MAN1C1: variants seen among roughly 807,000 people sequenced by gnomAD.
The protein encoded by MAN1C1 is mannosidase alpha class 1C member 1, also known as mannosyl-oligosaccharide 1,2-alpha-mannosidase IC.
Under a neutral mutation model 71.5 loss-of-function variants are expected in MAN1C1, and 49 were observed. The ratio of observed to expected loss-of-function variants is 0.69; its 90% CI spans 0.54 to 0.87. MAN1C1 has a LOEUF of 0.87. Among genes scored for constraint, MAN1C1 ranks in the 40% least tolerant of loss-of-function variants. The probability of loss-of-function intolerance (pLI) is 0.00; values close to 1 mark genes in which losing one functional copy is unlikely to be tolerated. For missense variants in MAN1C1, 743 were observed against 835.0 expected (o/e 0.89, Z 1.36); for synonymous variants, 352 against 343.7 (o/e 1.02, Z -0.27).
intron 8 of MAN1C1, among the ~76,000 whole-genome samples, chr1:25,777,866 AAG>A (rs2047639130): frequency 1.3e-5 from 2 of 152,136 alleles, no homozygotes. Context: ...AAGGCTGTGT[AAG>A]AGACTTGCCC....
intron 1 of MAN1C1, among the ~76,000 whole-genome samples, chr1:25,649,615 C>T (rs1291187591): frequency 1.3e-5 from 2 of 152,154 alleles, no homozygotes; most frequent in Non-Finnish European, 2.9e-5. Flanking sequence ...GGCTGCCTTT[C>T]CCCAGTTTTG....
rs149351750 is a variant in MAN1C1 at position 25,661,247 on chromosome 1, G to T, written c.541-25193G>T. Among the ~76,000 whole-genome samples the T allele has an allele frequency of 1.8e-4, 27 of 152,288 alleles. No individual in the cohort carries two copies. The East Asian group carries it at 5.2e-3, about 29-fold the overall frequency. ...CATCACCTCTATGCCTTTGCTCCTG[G>T]CTATTTCCTTTTACTGTCTTGCCCG... On this transcript the variant is annotated intron_variant, in intron 1 of 11. Coordinates refer to ENST00000374332, the MANE Select transcript of MAN1C1 (RefSeq NM_020379.4).
In MAN1C1 at chr1:25,644,509, TATATATA is replaced by T. The variant is rs1483333557; in HGVS notation, c.540+26173_540+26179del. 1.1e-3 allele frequency: 111 copies of T among 97,828 alleles called. 1 individual carries two copies. The highest frequency in any genetic ancestry group is 7.2e-3 in the African/African-American group (110 of 15,176). 6.1% of individuals were successfully genotyped at this position (97,828 alleles called of 1,614,324 possible). On this transcript the variant is annotated intron_variant, in intron 1 of 11. Coordinates refer to ENST00000374332, the MANE Select transcript of MAN1C1 (RefSeq NM_020379.4). The stretch of plus-strand genomic sequence containing the variant: ...ATGGTACCAGAGACATATATATATA[TATATATA>T]TATTTTTTTTTTTTTTTTTTTTTTT...
At chr1:25,760,404 C>G (rs3820516) in intron 6 of MAN1C1, 12,609 of 152,240 alleles carry the variant, frequency 0.083, 785 homozygotes, top group East Asian at 0.23. Context: ...GCTCTGGAGT[C>G]CATCCGTCTA....
chr1:25,783,823 A>G lies in MAN1C1; in HGVS notation c.*34A>G. The G allele has an allele frequency of 5.6e-6, 9 of 1,600,194 alleles. No individual in the cohort carries two copies. Among genetic ancestry groups the G allele is most frequent in the Non-Finnish European group, 6.8e-6 (8 of 1,176,774 alleles). On this transcript the variant is annotated 3_prime_UTR_variant, in exon 12 of 12. Coordinates refer to ENST00000374332, the MANE Select transcript of MAN1C1 (RefSeq NM_020379.4). ...CCTGCCGCCGCCCTGGGGCCGCCGC[A>G]GGGATGCCTTGCCTTTTCAGGATTT...
intron 1 of MAN1C1, among the ~76,000 whole-genome samples, chr1:25,638,421 TAAATA>T (rs2045493399): frequency 6.6e-6 from 1 of 152,194 alleles, no homozygotes; most frequent in South Asian, 2.1e-4. Flanking sequence ...TCAGTTGTCT[TAAATA>T]AATTAATAAC....
At chr1:25,780,835 A>T (rs572217032) in intron 9 of MAN1C1, 105 bp from the exon 10 acceptor site, 1 of 1,234,820 alleles carries the variant, frequency 8.1e-7, no homozygotes, top group Non-Finnish European at 1.2e-6. Context: ...CACACACCTG[A>T]CATCACCCTG....
At chr1:25,643,586 T>TTTATTATTATTATTA (rs376041844) in intron 1 of MAN1C1, among the ~76,000 whole-genome samples, 35 of 139,864 alleles carry the variant, frequency 2.5e-4, no homozygotes, top group Admixed American at 2.1e-3. Flanking sequence ...TATATATATA[T>TTTATTATTATTATTA]TTATTATTAT....
chr1:25,698,165 G>A (rs1346833865), intron 2 of MAN1C1, among the ~76,000 whole-genome samples: 3 of 152,138 alleles, frequency 2.0e-5, no homozygotes, highest in Admixed American at 6.5e-5. Context: ...GCCATGGGGT[G>A]GCCTCTGTTT....
chr1:25,738,211 A>G (rs1197522444), intron 2 of MAN1C1, among the ~76,000 whole-genome samples: 9 of 152,104 alleles, frequency 5.9e-5, no homozygotes, highest in African/African-American at 2.2e-4. Context: ...GTGCTATGTC[A>G]CCCAGGAAAT....
At chr1:25,640,314 C>T (rs373242264) in intron 1 of MAN1C1, among the ~76,000 whole-genome samples, 2 of 152,220 alleles carry the variant, frequency 1.3e-5, no homozygotes, top group South Asian at 4.1e-4. Context: ...TCTCCCCCAT[C>T]CTCATTCTTG....
chr1:25,643,076 C>T (rs1173310631), intron 1 of MAN1C1, among the ~76,000 whole-genome samples: 1 of 152,038 alleles, frequency 6.6e-6, no homozygotes, highest in Admixed American at 6.5e-5. Context: ...GACGCTGAGA[C>T]ATTTCTGCAT....
At chr1:25,745,624 CTATTTTA>C (rs1393679970) in intron 2 of MAN1C1, among the ~76,000 whole-genome samples, 1 of 152,190 alleles carries the variant, frequency 6.6e-6, no homozygotes, top group Non-Finnish European at 1.5e-5. Flanking sequence ...GCATGGTATC[CTATTTTA>C]TATTTGAGCC....
Position 25,699,071 on chromosome 1 carries a change from C to T in MAN1C1, c.637+12535C>T, listed in dbSNP as rs138536522. 4.0e-3 allele frequency among the ~76,000 whole-genome samples: 604 copies of T among 151,832 alleles called. 29 individuals are homozygous for T. In the East Asian group the frequency reaches 0.094, roughly 24 times the overall value. ...CCTATAATCCCAGCACTTTGGGAGG[C>T]CAAGGCAGGCAGATCACCTGAGGTT... On this transcript the variant is annotated intron_variant, in intron 2 of 11. Transcript: ENST00000374332.
At position 25,779,115 on chromosome 1, in the gene MAN1C1, G is replaced by T. The variant is rs988277313; in HGVS notation, c.1477+791G>T. 1.3e-5 allele frequency among the ~76,000 whole-genome samples: 2 copies of T among 152,208 alleles called. No homozygotes were observed. Among genetic ancestry groups the T allele is most frequent in the Admixed American group, 6.5e-5 (1 of 15,288 alleles). On this transcript the variant is annotated intron_variant, in intron 9 of 11. Coordinates refer to ENST00000374332, the MANE Select transcript of MAN1C1 (RefSeq NM_020379.4). This position sits in a 1 kb window ranked among gnomAD's most constrained non-coding sequence, Gnocchi z 4.6. ...GGTCCCAGGAGACGCCCACCGCTCT[G>T]AGTGGTAATCCCAGTGTTGGTTGGA...
chr1:25,780,775 T>C, intron 9 of MAN1C1, 165 bp from the exon 10 acceptor site: 1 of 658,344 alleles, frequency 1.5e-6, no homozygotes, highest in Non-Finnish European at 2.6e-6. Context: ...GCTGTGCATC[T>C]GCCCGGTGCA....
At chr1:25,743,460 G>A (rs967781824) in intron 2 of MAN1C1, among the ~76,000 whole-genome samples, 8 of 152,194 alleles carry the variant, frequency 5.3e-5, no homozygotes, top group African/African-American at 1.9e-4. Flanking sequence ...TCAGGATAGG[G>A]CCTTCTCTCC....
intron 2 of MAN1C1, among the ~76,000 whole-genome samples, chr1:25,736,982 C>T (rs1316897309): frequency 6.6e-6 from 1 of 152,226 alleles, no homozygotes; most frequent in Non-Finnish European, 1.5e-5. Flanking sequence ...ATAAAGTTCA[C>T]GTGCTCTGGA....
At chr1:25,768,007 A>T (rs375222965) in intron 7 of MAN1C1, among the ~76,000 whole-genome samples, 1 of 80,706 alleles carries the variant, frequency 1.2e-5, no homozygotes. Flanking sequence ...ACACTCCCCC[A>T]CACACACAGA....
Sources: allele counts gnomAD v4.1 joint callset (sites outside exome capture counted in the v4.1 genomes callset), GRCh38; gene constraint gnomAD v4.1.1; non-coding constraint Gnocchi (gnomAD v3.1); transcripts MANE v1.5; gene names NCBI Gene and HGNC (gene_info 2026-07-23, HGNC 2026-07-21).